The following CLVS1 variants were observed in gnomAD, a reference collection of about 807,000 sequenced individuals.
The protein encoded by CLVS1 is clavesin-1.
A neutral mutation model predicts 33.1 loss-of-function variants in CLVS1; 10 were observed. The observed-to-expected ratio is 0.30, with a 90% confidence interval of 0.19 to 0.51. The LOEUF is 0.51. Among genes scored for constraint, CLVS1 ranks in the 20% least tolerant of loss-of-function variants. The pLI is 0.97. For missense variants in CLVS1, 343 were observed against 433.4 expected, an observed-to-expected ratio of 0.79 and a Z score of 1.85; for synonymous variants, 163 against 166.1, an observed-to-expected ratio of 0.98 and a Z score of 0.14.
At chr8:61,089,062 G>A (rs573411635) in intron 1 of CLVS1, among the ~76,000 whole-genome samples, 25 of 152,128 alleles carry the variant, frequency 1.6e-4, no homozygotes, top group Admixed American at 1.2e-3. Flanking sequence ...TCGTCCTCCC[G>A]AAGTGCTGGA....
intron 2 of CLVS1, among the ~76,000 whole-genome samples, chr8:61,261,542 T>C (rs539636975): frequency 3.6e-4 from 55 of 152,224 alleles, no homozygotes; most frequent in Middle Eastern, 3.4e-3. Context: ...CCCACATTTA[T>C]AGGTTGAAGT....
intron 1 of CLVS1, among the ~76,000 whole-genome samples, chr8:61,126,981 G>A (rs1475475280): frequency 6.6e-6 from 1 of 152,154 alleles, no homozygotes; most frequent in Admixed American, 6.5e-5. Flanking sequence ...ATTGGCCTGG[G>A]TCTTTTACCT....
intron 2 of CLVS1, among the ~76,000 whole-genome samples, chr8:61,351,956 A>G (rs1160354457): frequency 6.6e-6 from 1 of 152,098 alleles, no homozygotes. Context: ...AATGGAAAGT[A>G]AAAGATAGAA....
At chr8:61,181,376 G>T (rs1027408044) in intron 2 of CLVS1, among the ~76,000 whole-genome samples, 1 of 152,140 alleles carries the variant, frequency 6.6e-6, no homozygotes, top group African/African-American at 2.4e-5. Context: ...TGGATAGAAA[G>T]AATCAATATC....
intron 2 of CLVS1, among the ~76,000 whole-genome samples, chr8:61,198,000 G>A (rs1807651385): frequency 6.6e-6 from 1 of 152,160 alleles, no homozygotes; most frequent in Admixed American, 6.5e-5. Flanking sequence ...CCTCCTCAAT[G>A]CCTCTTTCCA....
intron 3 of CLVS1, among the ~76,000 whole-genome samples, chr8:61,429,813 A>G (rs1816045083): frequency 6.6e-6 from 1 of 152,192 alleles, no homozygotes; most frequent in South Asian, 2.1e-4. Flanking sequence ...TACTAATAAA[A>G]AGCATGAAAG....
At chr8:61,219,238 G>A (rs545741390) in intron 2 of CLVS1, among the ~76,000 whole-genome samples, 1 of 152,094 alleles carries the variant, frequency 6.6e-6, no homozygotes, top group East Asian at 1.9e-4. Context: ...TGTTACATAG[G>A]TATACATGTA....
At chr8:61,129,204 C>T (rs911993041) in intron 1 of CLVS1, among the ~76,000 whole-genome samples, 6 of 152,216 alleles carry the variant, frequency 3.9e-5, no homozygotes, top group Non-Finnish European at 7.3e-5. Context: ...TTGCTGTTGG[C>T]TAGATAATTT....
intron 1 of CLVS1, among the ~76,000 whole-genome samples, chr8:61,124,688 G>A (rs977031508): frequency 1.6e-4 from 25 of 152,286 alleles, no homozygotes; most frequent in African/African-American, 5.1e-4. Flanking sequence ...CTGGGAGATG[G>A]CAGTGCATCC....
chr8:61,427,558 A>G (rs1471323480), intron 3 of CLVS1, among the ~76,000 whole-genome samples: 1 of 152,158 alleles, frequency 6.6e-6, no homozygotes, highest in Non-Finnish European at 1.5e-5. Flanking sequence ...AGTGCAATTA[A>G]ATTGAGAAAT....
chr8:61,427,486 GTTGT>G (rs1815938858), intron 3 of CLVS1, among the ~76,000 whole-genome samples: 1 of 152,170 alleles, frequency 6.6e-6, no homozygotes, highest in Non-Finnish European at 1.5e-5. Context: ...GTAAACAGCA[GTTGT>G]ATAGGGAAAG....
chr8:61,254,366 C>T (rs1156375569), intron 2 of CLVS1, among the ~76,000 whole-genome samples: 1 of 152,190 alleles, frequency 6.6e-6, no homozygotes, highest in East Asian at 1.9e-4. Context: ...ACTCAGGGGT[C>T]AGGGACCCAC....
At chr8:61,254,804 C>G (rs1221667667) in intron 2 of CLVS1, among the ~76,000 whole-genome samples, 3 of 152,206 alleles carry the variant, frequency 2.0e-5, no homozygotes, top group Non-Finnish European at 4.4e-5. Flanking sequence ...CCCGATTTTC[C>G]AGGTGCCCTC....
chr8:61,185,143 G>GCTTT (rs376138569), intron 2 of CLVS1, among the ~76,000 whole-genome samples: 4,446 of 143,580 alleles, frequency 0.031, 85 homozygotes, highest in Non-Finnish European at 0.035. Flanking sequence ...AGAGAGTATA[G>GCTTT]TTTTTGTTTT....
At chr8:61,406,546 G>T (rs1585925218) in intron 3 of CLVS1, among the ~76,000 whole-genome samples, 1 of 152,030 alleles carries the variant, frequency 6.6e-6, no homozygotes, top group Admixed American at 6.6e-5. Flanking sequence ...GGAATGGAAG[G>T]AAGAAAATGT....
At chr8:61,142,100 C>T (rs1806317573) in intron 2 of CLVS1, among the ~76,000 whole-genome samples, 1 of 152,194 alleles carries the variant, frequency 6.6e-6, no homozygotes, top group African/African-American at 2.4e-5. Flanking sequence ...TATGGTTTAG[C>T]TCTGTGTCTG....
chr8:61,248,921 T>C lies in CLVS1; in HGVS notation c.-151-50756T>C, dbSNP rs757162327. ...AACTATGAGCTATATGAAATGCACT[T>C]CTTTTTTTTATACTTTAAGTTGTGA... On this transcript the variant is annotated intron_variant, in intron 2 of 2. Transcript: ENST00000522621. 5.3e-5 allele frequency among the ~76,000 whole-genome samples: 8 copies of C among 152,268 alleles called. No homozygotes were observed. The South Asian group carries it at 1.7e-3, about 32-fold the overall frequency.
At chr8:61,094,146 G>A (rs1805305322) in intron 1 of CLVS1, among the ~76,000 whole-genome samples, 1 of 152,176 alleles carries the variant, frequency 6.6e-6, no homozygotes, top group African/African-American at 2.4e-5. Context: ...AGTCAGACCT[G>A]TGAATGGACT....
At chr8:61,080,329 CTT>C (rs1478463411) in intron 1 of CLVS1, among the ~76,000 whole-genome samples, 1 of 152,142 alleles carries the variant, frequency 6.6e-6, no homozygotes, top group Non-Finnish European at 1.5e-5. Flanking sequence ...GTGATACAAA[CTT>C]TGCTTCTTTG....
Sources: gnomAD v4.1 joint callset for allele counts (sites outside exome capture counted in the v4.1 genomes callset) on GRCh38, gnomAD v4.1.1 for gene constraint, MANE v1.5 for transcripts, NCBI Gene and HGNC (gene_info 2026-07-23, HGNC 2026-07-21) for gene names.